CNIH1: variants seen among roughly 807,000 people sequenced by gnomAD.
CNIH1 encodes the protein protein cornichon homolog 1.
A neutral mutation model predicts 20.2 loss-of-function variants in CNIH1; 12 were observed. The ratio of observed to expected loss-of-function variants is 0.59; its 90% CI spans 0.38 to 0.96. The LOEUF (loss-of-function observed/expected upper bound fraction) is 0.96, where lower values mean the gene tolerates loss of function less well. Among genes scored for constraint, CNIH1 ranks in the 40% least tolerant of loss-of-function variants. The pLI is 0.00. For synonymous variants in CNIH1, 69 were observed against 63.3 expected (o/e 1.09, Z -0.43); for missense variants, 152 against 178.8 (o/e 0.85, Z 0.85).
intron 2 of CNIH1, among the ~76,000 whole-genome samples, chr14:54,434,283 C>T (rs1246371643): frequency 6.6e-6 from 1 of 152,222 alleles, no homozygotes; most frequent in African/African-American, 2.4e-5. Context: ...CGTCCTTCAA[C>T]CTCCTGCAGC....
rs115013699 is a variant in CNIH1 at position 54,425,127 on chromosome 14, T to C, written c.*2687A>G. ...CAAATAATTTCTACACCATACCTCCTTAGTATTAAAGGGCCATACTGCCAC... is the reference window on the plus strand; with the variant it reads ...CAAATAATTTCTACACCATACCTCCCTAGTATTAAAGGGCCATACTGCCAC... On this transcript the variant is annotated 3_prime_UTR_variant, in exon 5 of 5. Transcript: ENST00000216416. 6.6e-6 allele frequency: 1 copy of C among 152,324 alleles called. No homozygotes were observed. The highest frequency in any genetic ancestry group is 2.4e-5 in the African/African-American group (1 of 41,582). The allele number at this position is 152,324 out of a possible 1,614,324, so 9.4% of individuals were successfully genotyped here.
intron 1 of CNIH1, among the ~76,000 whole-genome samples, chr14:54,439,280 G>A (rs575593038): frequency 2.0e-5 from 3 of 151,762 alleles, no homozygotes; most frequent in Middle Eastern, 3.2e-3. Context: ...ACGAATCTGC[G>A]GTATAATTTT....
At chr14:54,435,817 C>CT (rs1381509489) in intron 2 of CNIH1, among the ~76,000 whole-genome samples, 1 of 152,220 alleles carries the variant, frequency 6.6e-6, no homozygotes. Flanking sequence ...TGTTAACCAA[C>CT]TTTCAAGTAC....
chr14:54,433,171 C>T (rs1272053151), intron 2 of CNIH1, among the ~76,000 whole-genome samples: 2 of 152,082 alleles, frequency 1.3e-5, no homozygotes, highest in African/African-American at 4.8e-5. Flanking sequence ...AAGTTTCAGC[C>T]GAAGTATCTC....
At chr14:54,435,251 C>CA (rs1345008313) in intron 2 of CNIH1, among the ~76,000 whole-genome samples, 1 of 151,860 alleles carries the variant, frequency 6.6e-6, no homozygotes, top group African/African-American at 2.4e-5. Flanking sequence ...GGCAAAAATA[C>CA]AAAAAAACAA....
In CNIH1 at chr14:54,436,361, T is replaced by C. The variant is rs751360007; in HGVS notation, c.150+8A>G. On this transcript the variant is annotated splice_region_variant and intron_variant, in intron 2 of 4. Coordinates refer to ENST00000216416, the MANE Select transcript of CNIH1 (RefSeq NM_005776.3). The stretch of plus-strand genomic sequence containing the variant: ...AAATCTAAAGATAAATCCTATATTA[T>C]AACTTACGGGATTCAGGGTATTACA... The C allele has an allele frequency of 4.4e-5, 64 of 1,453,614 alleles. No individual in the cohort carries two copies. Among genetic ancestry groups the C allele is most frequent in the Non-Finnish European group, 5.9e-5 (61 of 1,040,080 alleles). The allele number at this position is 1,453,614 out of a possible 1,614,324, so 90.0% of individuals were successfully genotyped here.
chr14:54,433,832 A>G (rs1594617792), intron 2 of CNIH1, among the ~76,000 whole-genome samples: 1 of 152,214 alleles, frequency 6.6e-6, no homozygotes, highest in South Asian at 2.1e-4. Flanking sequence ...TTACTTTAAT[A>G]AAAGTGTTAA....
chr14:54,435,474 G>A lies in CNIH1; in HGVS notation c.150+895C>T, dbSNP rs1594618412. On this transcript the variant is annotated intron_variant, in intron 2 of 4. Transcript: ENST00000216416. ...TAAATTCATGATGGCTCAGAACTCA[G>A]TGTAATTCAGGCCTGTTTTAGAAAC... 2.0e-5 allele frequency among the ~76,000 whole-genome samples: 3 copies of A among 152,276 alleles called. No individual in the cohort carries two copies. The South Asian group carries it at 6.2e-4, about 32-fold the overall frequency.
rs571714133 is a variant in CNIH1 at position 54,427,274 on chromosome 14, G to C, written c.*540C>G. On this transcript the variant is annotated 3_prime_UTR_variant, in exon 5 of 5. Coordinates refer to ENST00000216416, the MANE Select transcript of CNIH1 (RefSeq NM_005776.3). ...CAATATACAGGGATAATATTCAAGC[G>C]AAGGGAAAATTCCCGCTTTTTATTT... 1 of 152,204 alleles carries C rather than the reference G, an allele frequency of 6.6e-6. No individual in the cohort carries two copies. The highest frequency in any genetic ancestry group is 1.5e-5 in the Non-Finnish European group (1 of 68,084). The allele number at this position is 152,204 out of a possible 1,614,324, so 9.4% of individuals were successfully genotyped here.
rs901000891 is a variant in CNIH1, at chr14:54,426,825, T to C, written c.*989A>G. ...GGCATGGTATTTTTCAGAAAACCCA[T>C]AATGTAGTACGTCACTTTTTAAAAA... On this transcript the variant is annotated 3_prime_UTR_variant, in exon 5 of 5. Coordinates refer to ENST00000216416, the MANE Select transcript of CNIH1 (RefSeq NM_005776.3). 6 of 152,210 alleles carry C rather than the reference T, an allele frequency of 3.9e-5. No homozygotes were observed. The highest frequency in any genetic ancestry group is 1.4e-4 in the African/African-American group (6 of 41,468). The allele number at this position is 152,210 out of a possible 1,614,324, so 9.4% of individuals were successfully genotyped here.
intron 1 of CNIH1, among the ~76,000 whole-genome samples, chr14:54,440,387 T>TA (rs1284755255): frequency 2.6e-5 from 4 of 152,212 alleles, no homozygotes; most frequent in African/African-American, 9.6e-5. Flanking sequence ...CAGAAATTCT[T>TA]ATCTCTGTAG....
chr14:54,429,132 G>A (rs1382008086), intron 4 of CNIH1, among the ~76,000 whole-genome samples: 2 of 152,216 alleles, frequency 1.3e-5, no homozygotes, highest in Non-Finnish European at 1.5e-5. Flanking sequence ...ATAGCTTAAA[G>A]AAATATATAA....
intron 1 of CNIH1, among the ~76,000 whole-genome samples, chr14:54,439,051 A>C (rs569694254): frequency 1.3e-5 from 2 of 152,354 alleles, no homozygotes; most frequent in African/African-American, 4.8e-5. Flanking sequence ...ATCCTGAGGT[A>C]AATAAACCTC....
intron 2 of CNIH1, among the ~76,000 whole-genome samples, chr14:54,432,446 C>T (rs1332194881): frequency 6.6e-6 from 1 of 152,156 alleles, no homozygotes; most frequent in East Asian, 1.9e-4. Flanking sequence ...TAGTAAGATA[C>T]ATGACTTAAA....
chr14:54,428,636 C>T (rs542890954), intron 4 of CNIH1, among the ~76,000 whole-genome samples: 20 of 152,316 alleles, frequency 1.3e-4, no homozygotes, highest in African/African-American at 4.1e-4. Flanking sequence ...TCATTTCTTT[C>T]ATTCAACAAA....
chr14:54,435,655 T>C (rs2031040107), intron 2 of CNIH1, among the ~76,000 whole-genome samples: 1 of 152,114 alleles, frequency 6.6e-6, no homozygotes, highest in African/African-American at 2.4e-5. Flanking sequence ...TGAATAAACA[T>C]CAGCTGAAAG....
At chr14:54,431,034 A>G (rs2030932529) in intron 3 of CNIH1, among the ~76,000 whole-genome samples, 1 of 152,080 alleles carries the variant, frequency 6.6e-6, no homozygotes, top group Non-Finnish European at 1.5e-5. Context: ...CACGTTGCCC[A>G]GTCTGTTCTC....
intron 4 of CNIH1, among the ~76,000 whole-genome samples, chr14:54,429,112 G>A (rs1260846663): frequency 6.6e-6 from 1 of 152,148 alleles, no homozygotes; most frequent in African/African-American, 2.4e-5. Context: ...ATGTGTAAAA[G>A]TATATTCACA....
intron 4 of CNIH1, among the ~76,000 whole-genome samples, chr14:54,428,822 G>T (rs2030877088): frequency 6.6e-6 from 1 of 152,194 alleles, no homozygotes; most frequent in Non-Finnish European, 1.5e-5. Context: ...CATTTTCACA[G>T]TAATAGCCTC....
Sources: gnomAD v4.1 joint callset for allele counts (sites outside exome capture counted in the v4.1 genomes callset) on GRCh38, gnomAD v4.1.1 for gene constraint, MANE v1.5 for transcripts, NCBI Gene and HGNC (gene_info 2026-07-23, HGNC 2026-07-21) for gene names.